Variants in STXBP5L observed in about 807,000 individuals in gnomAD.
STXBP5L encodes the protein syntaxin-binding protein 5-like.
STXBP5L carries 65 observed loss-of-function variants against 144.5 expected under a neutral mutation model. The ratio of observed to expected loss-of-function variants is 0.45; its 90% confidence interval spans 0.37 to 0.55. STXBP5L has a LOEUF of 0.55. Among genes scored for constraint, STXBP5L ranks in the 20% least tolerant of loss-of-function variants. The pLI is 0.00. For synonymous variants in STXBP5L, 505 were observed against 469.6 expected, an observed-to-expected ratio of 1.08 and a Z score of -0.97; for missense variants, 1,298 against 1,405.5, an observed-to-expected ratio of 0.92 and a Z score of 1.22.
intron 3 of STXBP5L, among the ~76,000 whole-genome samples, chr3:121,009,900 C>A (rs961791903): frequency 6.6e-6 from 1 of 151,774 alleles, no homozygotes; most frequent in African/African-American, 2.4e-5. Context: ...CTCAAGAACT[C>A]GAAAGGCATC....
intron 19 of STXBP5L, among the ~76,000 whole-genome samples, chr3:121,293,193 G>A (rs2051511288): frequency 6.6e-6 from 1 of 152,132 alleles, no homozygotes; most frequent in African/African-American, 2.4e-5. Context: ...AATAATTGTA[G>A]TGAGTAAAAA....
At chr3:121,381,601 A>G (rs1448295498) in intron 22 of STXBP5L, 69 bp downstream of exon 22, 12 of 1,551,104 alleles carry the variant, frequency 7.7e-6, no homozygotes, top group South Asian at 2.5e-5. Context: ...TATTATAAAC[A>G]TAAATTTGTA....
At chr3:121,047,731 T>G (rs1278545010) in intron 5 of STXBP5L, among the ~76,000 whole-genome samples, 1 of 152,176 alleles carries the variant, frequency 6.6e-6, no homozygotes, top group African/African-American at 2.4e-5. Flanking sequence ...ACTTTGAGCC[T>G]ATGGGTGTCA....
chr3:121,344,685 CA>C (rs2044879063), intron 20 of STXBP5L, among the ~76,000 whole-genome samples: 1 of 151,632 alleles, frequency 6.6e-6, no homozygotes, highest in Non-Finnish European at 1.5e-5. Context: ...TTAAAGTACC[CA>C]ATAAAAGAGT....
intron 3 of STXBP5L, among the ~76,000 whole-genome samples, chr3:121,003,793 C>G (rs907575662): frequency 2.0e-5 from 3 of 152,144 alleles, no homozygotes; most frequent in African/African-American, 7.2e-5. Flanking sequence ...TTCCCAGCAC[C>G]ATTTATTAAA....
chr3:121,167,906 G>T (rs1467198898), intron 9 of STXBP5L, among the ~76,000 whole-genome samples: 2 of 152,142 alleles, frequency 1.3e-5, no homozygotes, highest in African/African-American at 4.8e-5. Flanking sequence ...CCCAGCAGGG[G>T]CCAACAGACA....
chr3:120,998,568 T>G (rs1002263933), intron 3 of STXBP5L, among the ~76,000 whole-genome samples: 7 of 152,130 alleles, frequency 4.6e-5, no homozygotes, highest in African/African-American at 1.4e-4. Flanking sequence ...GTGTGTGATA[T>G]TCCCCTGCCT....
intron 9 of STXBP5L, among the ~76,000 whole-genome samples, chr3:121,199,663 C>T (rs1456116854): frequency 3.3e-5 from 5 of 152,084 alleles, no homozygotes; most frequent in African/African-American, 1.2e-4. Flanking sequence ...TCTATCAATA[C>T]CTAGTTTATT....
rs367604952 is a variant in STXBP5L at position 121,381,551 on chromosome 3, T to G, written c.2587+19T>G. On this transcript the variant is annotated intron_variant, in intron 22 of 26. Transcript: ENST00000471454. ...CCAAGTGGTAAGAGTTTGTATTCAT[T>G]CATTCCTTCACTGTTACTTTTTCAA... 6.3e-7 allele frequency: 1 copy of G among 1,581,246 alleles called. No homozygotes were observed.
chr3:120,913,190 A>G (rs1428278816), intron 2 of STXBP5L, among the ~76,000 whole-genome samples: 4 of 152,038 alleles, frequency 2.6e-5, no homozygotes, highest in Non-Finnish European at 4.4e-5. Flanking sequence ...CACTGCCGTT[A>G]TACTATGAAC....
intron 20 of STXBP5L, among the ~76,000 whole-genome samples, chr3:121,323,229 T>C (rs929548690): frequency 2.0e-5 from 3 of 152,162 alleles, no homozygotes; most frequent in African/African-American, 4.8e-5. Flanking sequence ...TTTGTTGCAA[T>C]TGTTTTTGAG....
intron 3 of STXBP5L, among the ~76,000 whole-genome samples, chr3:120,987,597 C>T (rs17282993): frequency 0.099 from 15,077 of 151,752 alleles, 1,180 homozygotes; most frequent in Admixed American, 0.2. Flanking sequence ...TGACAGGGTT[C>T]TTCACAGAGG....
At chr3:121,275,011 A>G (rs2050839373) in intron 18 of STXBP5L, among the ~76,000 whole-genome samples, 1 of 152,164 alleles carries the variant, frequency 6.6e-6, no homozygotes, top group Non-Finnish European at 1.5e-5. Flanking sequence ...CATTTGTTGA[A>G]GATTATATAT....
At chr3:121,114,309 A>G (rs1170904868) in intron 5 of STXBP5L, among the ~76,000 whole-genome samples, 2 of 152,180 alleles carry the variant, frequency 1.3e-5, no homozygotes, top group African/African-American at 4.8e-5. Context: ...TGACTTTATA[A>G]GTTTTCTTTT....
chr3:121,061,931 G>T (rs536178299), intron 5 of STXBP5L, among the ~76,000 whole-genome samples: 16 of 152,162 alleles, frequency 1.1e-4, no homozygotes, highest in Non-Finnish European at 2.2e-4. Context: ...TTGCCAGTCT[G>T]TGTCTTTTAA....
intron 20 of STXBP5L, among the ~76,000 whole-genome samples, chr3:121,359,223 T>C (rs1362223144): frequency 6.6e-6 from 1 of 152,216 alleles, no homozygotes; most frequent in African/African-American, 2.4e-5. Context: ...GAGCACCTTT[T>C]CATAAGCCTG....
intron 9 of STXBP5L, among the ~76,000 whole-genome samples, chr3:121,169,541 G>C (rs1170680308): frequency 6.6e-6 from 1 of 152,154 alleles, no homozygotes; most frequent in East Asian, 1.9e-4. Context: ...AGCAAGAGTT[G>C]CAATCCTAGT....
At chr3:120,962,673 A>T (rs1028351432) in intron 3 of STXBP5L, among the ~76,000 whole-genome samples, 10 of 152,140 alleles carry the variant, frequency 6.6e-5, no homozygotes, top group African/African-American at 2.4e-4. Flanking sequence ...TGTTTTGCTT[A>T]CTGTAGCCTT....
intron 19 of STXBP5L, among the ~76,000 whole-genome samples, chr3:121,316,013 A>G (rs992348216): frequency 4.6e-5 from 7 of 151,364 alleles, no homozygotes; most frequent in Non-Finnish European, 7.4e-5. Context: ...AAAAAAAAAA[A>G]GGAAGAAAAA....
Sources: allele counts gnomAD v4.1 joint callset (sites outside exome capture counted in the v4.1 genomes callset), GRCh38; gene constraint gnomAD v4.1.1; transcripts MANE v1.5; gene names NCBI Gene and HGNC (gene_info 2026-07-23, HGNC 2026-07-21).